The following ZNG1A variants were observed in gnomAD, a reference collection of about 807,000 sequenced individuals.
ZNG1A encodes zinc-regulated GTPase metalloprotein activator 1A.
At chr9:153,863 G>A in the ZNG1A span, 548 of 151,676 alleles carry the variant, frequency 3.6e-3, 1 homozygote, top group African/African-American at 0.013. Flanking sequence ...TAGTAATTTT[G>A]AGCCATCACG....
the ZNG1A span, among the ~76,000 whole-genome samples, chr9:178,380 G>T: frequency 6.6e-6 from 1 of 151,414 alleles, no homozygotes; most frequent in Non-Finnish European, 1.5e-5. Context: ...ATCTACTGAC[G>T]AAAGCCCCAC....
chr9:140,753 A>G, the ZNG1A span, among the ~76,000 whole-genome samples: 1 of 152,032 alleles, frequency 6.6e-6, no homozygotes, highest in African/African-American at 2.4e-5. Context: ...GAGCTATGGG[A>G]GGACATTCAA....
chr9:125,089 G>A, the ZNG1A span, among the ~76,000 whole-genome samples: 3 of 152,166 alleles, frequency 2.0e-5, no homozygotes, highest in East Asian at 3.8e-4. Flanking sequence ...GGGATTGCTG[G>A]ACCAAATGGT....
chr9:170,157 G>A, the ZNG1A span, among the ~76,000 whole-genome samples: 5 of 148,002 alleles, frequency 3.4e-5, no homozygotes, highest in South Asian at 2.2e-4. Context: ...AGAATCACCT[G>A]AAGGGCTTAT....
the ZNG1A span, among the ~76,000 whole-genome samples, chr9:140,130 G>A: frequency 6.6e-6 from 1 of 150,946 alleles, no homozygotes; most frequent in East Asian, 1.9e-4. Context: ...AAACAAAGCA[G>A]CCGGGAAGCT....
chr9:127,552 CT>C, the ZNG1A span, among the ~76,000 whole-genome samples: 1 of 152,308 alleles, frequency 6.6e-6, no homozygotes, highest in East Asian at 1.9e-4. Context: ...ATCCCTTTAC[CT>C]TAAGTTTATG....
At chr9:129,281 T>C in the ZNG1A span, among the ~76,000 whole-genome samples, 1 of 152,002 alleles carries the variant, frequency 6.6e-6, no homozygotes, top group South Asian at 2.1e-4. Flanking sequence ...TTACTAGTAA[T>C]AGGAAAAGCA....
the ZNG1A span, among the ~76,000 whole-genome samples, chr9:173,758 C>T: frequency 1.3e-5 from 2 of 151,966 alleles, no homozygotes; most frequent in Non-Finnish European, 2.9e-5. Flanking sequence ...TAAGAGACTG[C>T]CTTATCTATC....
the ZNG1A span, among the ~76,000 whole-genome samples, chr9:171,336 C>CAA: frequency 0.01 from 1,453 of 142,608 alleles, 13 homozygotes; most frequent in African/African-American, 0.035. Context: ...AGACCCAGAT[C>CAA]AAAAAAAAAA....
At chr9:153,809 C>A in the ZNG1A span, 2 of 149,842 alleles carry the variant, frequency 1.3e-5, no homozygotes, top group African/African-American at 4.9e-5. Flanking sequence ...ACTGAGATGA[C>A]AGATTCAAAA....
At chr9:145,120 A>G in the ZNG1A span, among the ~76,000 whole-genome samples, 2 of 148,206 alleles carry the variant, frequency 1.3e-5, no homozygotes, top group Non-Finnish European at 3.0e-5. Context: ...TAGTTCAACC[A>G]TTGTGGAAGT....
At chr9:169,853 G>A in the ZNG1A span, among the ~76,000 whole-genome samples, 1 of 96,754 alleles carries the variant, frequency 1.0e-5, no homozygotes, top group Non-Finnish European at 2.0e-5. Context: ...TATAAACACA[G>A]CTTTTTTTTT....
the ZNG1A span, chr9:121,559 T>C: frequency 6.2e-7 from 1 of 1,608,326 alleles, no homozygotes; most frequent in Non-Finnish European, 8.5e-7. Flanking sequence ...AGGATATCCT[T>C]ATCTAAATTT....
the ZNG1A span, among the ~76,000 whole-genome samples, chr9:169,366 T>C: frequency 2.7e-5 from 4 of 147,448 alleles, no homozygotes; most frequent in Non-Finnish European, 5.9e-5. Flanking sequence ...AATGAGAAGT[T>C]GTTTCTTATG....
chr9:170,355 A>ATG, the ZNG1A span, among the ~76,000 whole-genome samples: 546 of 145,258 alleles, frequency 3.8e-3, 13 homozygotes, highest in South Asian at 0.026. Flanking sequence ...GTGTGTATGA[A>ATG]TGTGTGTGTG....
At chr9:172,248 A>G in the ZNG1A span, 3 of 1,573,266 alleles carry the variant, frequency 1.9e-6, no homozygotes, top group Non-Finnish European at 2.6e-6. Context: ...ACTTTAAAAT[A>G]TATTCAACAA....
At chr9:159,927 C>A in the ZNG1A span, 1 of 365,386 alleles carries the variant, frequency 2.7e-6, no homozygotes, top group East Asian at 7.3e-5. Context: ...TCCAAGCTAA[C>A]TGTTTTCTGA....
the ZNG1A span, among the ~76,000 whole-genome samples, chr9:129,675 TG>T: frequency 2.7e-5 from 4 of 146,246 alleles, no homozygotes; most frequent in South Asian, 4.4e-4. Context: ...AGACGAAAAT[TG>T]GGGGGGGCTG....
the ZNG1A span, among the ~76,000 whole-genome samples, chr9:175,353 G>A: frequency 0.03 from 4,572 of 151,274 alleles, 208 homozygotes; most frequent in African/African-American, 0.11. Flanking sequence ...ACTCCAGCCT[G>A]GCGACAGAGA....
Sources: allele counts gnomAD v4.1 joint callset (sites outside exome capture counted in the v4.1 genomes callset), GRCh38; gene constraint gnomAD v4.1.1; transcripts MANE v1.5; gene names NCBI Gene and HGNC (gene_info 2026-07-23, HGNC 2026-07-21).